NID2: variants seen among roughly 807,000 people sequenced by gnomAD.
NID2 encodes the protein nidogen 2.
NID2 carries 83 observed loss-of-function variants against 145.4 expected under a neutral mutation model. That is an observed-to-expected ratio of 0.57 (90% CI 0.48 to 0.69). NID2 has a LOEUF of 0.69. NID2 is among the 30% of genes least tolerant of loss of function. The pLI, the probability that NID2 is intolerant of heterozygous loss-of-function variation, is 0.00. For missense variants in NID2, 1,807 were observed against 1,765.7 expected (o/e 1.02, Z -0.42); for synonymous variants, 739 against 701.3 (o/e 1.05, Z -0.85).
chr14:52,061,421 G>A (rs779602958), intron 2 of NID2, among the ~76,000 whole-genome samples: 2 of 152,272 alleles, frequency 1.3e-5, no homozygotes, highest in Admixed American at 6.5e-5. Flanking sequence ...AGCACCAGAC[G>A]TTATGCTTGA....
intron 2 of NID2, among the ~76,000 whole-genome samples, chr14:52,063,346 A>G (rs902433372): frequency 1.4e-4 from 21 of 152,368 alleles, no homozygotes; most frequent in African/African-American, 5.0e-4. Context: ...GGAGCAGCAC[A>G]GAGAGGATCA....
chr14:52,050,359 C>T lies in NID2; in HGVS notation c.1429+3220G>A, dbSNP rs1032506007. ...ACTCCGCTCTTGTCACTTCTCTGTT[C>T]ATAATGTTTTCACACATTCTCCCTC... On this transcript the variant is annotated intron_variant, in intron 5 of 21. Transcript: ENST00000216286. 7.2e-5 allele frequency among the ~76,000 whole-genome samples: 11 copies of T among 152,314 alleles called. No individual in the cohort carries two copies. The East Asian group carries it at 2.1e-3, about 29-fold the overall frequency.
rs116447568 is a variant in NID2, at chr14:52,006,207, G to A, written c.4004+330C>T. 528 of 392,654 alleles carry A rather than the reference G, an allele frequency of 1.3e-3. 4 individuals are homozygous for A. The highest frequency in any genetic ancestry group is 9.6e-3 in the African/African-American group (477 of 49,544). 24.3% of individuals were successfully genotyped at this position (392,654 alleles called of 1,614,324 possible). A position where few individuals can be genotyped will look rare whatever the true frequency, so the allele number is the denominator to read the frequency against. ...AAGCCAACTTAAGCCCTGTAATATA[G>A]CTCATGGTATCAAGGGTAGTCTTAT... On this transcript the variant is annotated intron_variant, in intron 20 of 21. Transcript: ENST00000216286.
chr14:52,005,689 T>TTC (rs1555361367), intron 21 of NID2, 48 bp downstream of exon 21: 20 of 1,494,158 alleles, frequency 1.3e-5, no homozygotes, highest in Non-Finnish European at 1.9e-5. Flanking sequence ...TATATATCCC[T>TTC]TCTCTACCCT....
chr14:52,041,596 C>T (rs139264737), intron 7 of NID2, among the ~76,000 whole-genome samples: 161 of 152,226 alleles, frequency 1.1e-3, no homozygotes, highest in African/African-American at 3.5e-3. Flanking sequence ...AAATCACGGA[C>T]CCCACCCCAG....
intron 12 of NID2, among the ~76,000 whole-genome samples, chr14:52,026,882 C>T (rs1280119892): frequency 1.3e-5 from 2 of 152,112 alleles, no homozygotes; most frequent in East Asian, 1.9e-4. Context: ...AGGTGGAGAC[C>T]GCCTAACAGG....
chr14:52,030,726 T>C (rs1891831780), intron 9 of NID2, among the ~76,000 whole-genome samples: 1 of 151,878 alleles, frequency 6.6e-6, no homozygotes, highest in Non-Finnish European at 1.5e-5. Flanking sequence ...TGGCCCATGC[T>C]TGTAGTCCCA....
At chr14:52,065,175 A>AG (rs1255460711) in intron 2 of NID2, among the ~76,000 whole-genome samples, 4 of 152,198 alleles carry the variant, frequency 2.6e-5, no homozygotes, top group African/African-American at 9.6e-5. Context: ...ATATCCATGG[A>AG]GAAAAAGGGC....
At chr14:52,046,805 G>A (rs1892512496) in intron 5 of NID2, among the ~76,000 whole-genome samples, 1 of 152,172 alleles carries the variant, frequency 6.6e-6, no homozygotes, top group Non-Finnish European at 1.5e-5. Flanking sequence ...GTGGAATATT[G>A]TATTTTTAGG....
At chr14:52,019,354 C>T in intron 13 of NID2, 60 bp from the exon 14 acceptor site, 4 of 1,358,366 alleles carry the variant, frequency 2.9e-6, no homozygotes, top group South Asian at 1.5e-5. Context: ...GCAACCCATC[C>T]ACTTCACCAG....
chr14:52,009,874 C>G (rs942240888), intron 18 of NID2: 1 of 152,310 alleles, frequency 6.6e-6, no homozygotes, highest in Non-Finnish European at 1.5e-5. Flanking sequence ...GTAGTCCCAG[C>G]TACTTGGGAG....
intron 7 of NID2, 101 bp downstream of exon 7, chr14:52,042,004 G>A: frequency 7.1e-7 from 1 of 1,414,926 alleles, no homozygotes; most frequent in East Asian, 2.3e-5. Flanking sequence ...CATTAAACAA[G>A]TGATTCCTCT....
intron 1 of NID2, 81 bp downstream of exon 1, chr14:52,068,686 C>T: frequency 1.6e-6 from 2 of 1,286,616 alleles, no homozygotes; most frequent in Non-Finnish European, 2.2e-6. Flanking sequence ...TCTGTTTCCT[C>T]CCCTCTGGAG....
intron 2 of NID2, among the ~76,000 whole-genome samples, chr14:52,065,184 G>A (rs1893144853): frequency 1.3e-5 from 2 of 152,134 alleles, no homozygotes; most frequent in African/African-American, 4.8e-5. Flanking sequence ...GAGAAAAAGG[G>A]CACCAACTGC....
chr14:52,028,554 G>T, intron 11 of NID2, 168 bp downstream of exon 11: 1 of 696,886 alleles, frequency 1.4e-6, no homozygotes, highest in Non-Finnish European at 2.2e-6. Context: ...GATTACAGGC[G>T]TGAGCCACCA....
intron 5 of NID2, among the ~76,000 whole-genome samples, chr14:52,045,212 A>C (rs1420642365): frequency 6.6e-6 from 1 of 152,212 alleles, no homozygotes; most frequent in Non-Finnish European, 1.5e-5. Context: ...AGGGAAGATT[A>C]TCGAGATGAC....
intron 8 of NID2, among the ~76,000 whole-genome samples, chr14:52,039,604 A>G (rs1892201479): frequency 6.6e-6 from 1 of 152,092 alleles, no homozygotes; most frequent in African/African-American, 2.4e-5. Context: ...TCTTCCCTAC[A>G]TCTCCTGCCA....
At chr14:52,018,614 T>C (rs1241686412) in intron 14 of NID2, among the ~76,000 whole-genome samples, 1 of 152,232 alleles carries the variant, frequency 6.6e-6, no homozygotes, top group African/African-American at 2.4e-5. Context: ...ATTTTTCCTA[T>C]TGATACTAAC....
chr14:52,028,653 C>T (rs1450140048), intron 11 of NID2, 69 bp downstream of exon 11: 14 of 1,541,772 alleles, frequency 9.1e-6, no homozygotes, highest in African/African-American at 1.4e-5. Context: ...AGTCAAAACA[C>T]TGACAGATTA....
Sources: allele counts gnomAD v4.1 joint callset (sites outside exome capture counted in the v4.1 genomes callset), GRCh38; gene constraint gnomAD v4.1.1; transcripts MANE v1.5; gene names NCBI Gene and HGNC (gene_info 2026-07-23, HGNC 2026-07-21).